ADGRB3: variants seen among roughly 807,000 people sequenced by gnomAD.
ADGRB3 encodes the protein adhesion G protein-coupled receptor B3.
A neutral mutation model predicts 193.4 loss-of-function variants in ADGRB3; 37 were observed. The observed-to-expected ratio is 0.19, with a 90% CI of 0.15 to 0.25. The LOEUF is 0.25. ADGRB3 is among the 10% of genes least tolerant of loss of function. The pLI is 1.00. For missense variants in ADGRB3, 1,637 were observed against 1,852.9 expected (o/e 0.88, Z 2.14); for synonymous variants, 690 against 644.2 (o/e 1.07, Z -1.08).
At chr6:69,363,826 A>T (rs1332342144) in intron 29 of ADGRB3, among the ~76,000 whole-genome samples, 4 of 152,038 alleles carry the variant, frequency 2.6e-5, no homozygotes, top group African/African-American at 9.7e-5. Context: ...TGTCAAGTAG[A>T]ATTATCAGCT....
intron 3 of ADGRB3, among the ~76,000 whole-genome samples, chr6:68,742,372 A>G (rs1483338603): frequency 1.3e-5 from 2 of 152,118 alleles, no homozygotes; most frequent in East Asian, 1.9e-4. Flanking sequence ...GAACTCTTAT[A>G]GTTTTTTTTT....
chr6:68,651,349 T>G (rs1161060196), intron 3 of ADGRB3, among the ~76,000 whole-genome samples: 1 of 152,190 alleles, frequency 6.6e-6, no homozygotes, highest in Non-Finnish European at 1.5e-5. Context: ...AAAGAGAACA[T>G]TTTAATACTT....
chr6:69,295,022 A>G (rs916475363), intron 20 of ADGRB3, among the ~76,000 whole-genome samples: 3 of 152,104 alleles, frequency 2.0e-5, no homozygotes, highest in Admixed American at 6.5e-5. Context: ...CTTTGCTTAT[A>G]ACTCTCTCTC....
In ADGRB3 at chr6:68,837,536, C is replaced by T. The variant is rs377517574; in HGVS notation, c.758-93023C>T. Among the ~76,000 whole-genome samples the T allele has an allele frequency of 2.0e-5, 3 of 152,140 alleles. No individual in the cohort carries two copies. The East Asian group carries it at 5.8e-4, about 29-fold the overall frequency. ...TAAAGATTTCTGTAGAGTATATATCCTTTAAAGCAAAAGATTTTATCAATA... is the reference window on the plus strand; with the variant it reads ...TAAAGATTTCTGTAGAGTATATATCTTTTAAAGCAAAAGATTTTATCAATA... On this transcript the variant is annotated intron_variant, in intron 3 of 31. Coordinates refer to ENST00000370598, the MANE Select transcript of ADGRB3 (RefSeq NM_001704.3).
At chr6:68,668,145 C>T (rs1389919207) in intron 3 of ADGRB3, among the ~76,000 whole-genome samples, 2 of 152,016 alleles carry the variant, frequency 1.3e-5, no homozygotes, top group Non-Finnish European at 2.9e-5. Flanking sequence ...ACTGTAGCAG[C>T]TGCTAGAGCC....
chr6:69,219,128 A>G (rs891649827), intron 17 of ADGRB3, among the ~76,000 whole-genome samples: 2 of 151,994 alleles, frequency 1.3e-5, no homozygotes, highest in Non-Finnish European at 2.9e-5. Context: ...TTGAAATTGC[A>G]AAGATGAAAA....
intron 13 of ADGRB3, among the ~76,000 whole-genome samples, chr6:69,027,164 A>G (rs960865864): frequency 6.6e-6 from 1 of 151,902 alleles, no homozygotes; most frequent in Non-Finnish European, 1.5e-5. Context: ...TTCTTTCTTT[A>G]TGTATTTATT....
intron 17 of ADGRB3, among the ~76,000 whole-genome samples, chr6:69,212,181 A>T (rs536728249): frequency 6.6e-6 from 1 of 152,134 alleles, no homozygotes; most frequent in Non-Finnish European, 1.5e-5. Flanking sequence ...AAAACATCAA[A>T]ACTCATTTTT....
intron 20 of ADGRB3, among the ~76,000 whole-genome samples, chr6:69,311,916 C>T (rs1320494968): frequency 6.6e-6 from 1 of 151,764 alleles, no homozygotes; most frequent in Admixed American, 6.6e-5. Context: ...TCCTCTTTTG[C>T]AGCTTTAATT....
At chr6:68,663,523 A>G (rs1308951648) in intron 3 of ADGRB3, among the ~76,000 whole-genome samples, 3 of 151,764 alleles carry the variant, frequency 2.0e-5, no homozygotes, top group Admixed American at 2.0e-4. Context: ...ATTTGCTTAG[A>G]TCTGCCATTA....
At chr6:68,919,539 G>C (rs1358505945) in intron 3 of ADGRB3, among the ~76,000 whole-genome samples, 1 of 152,188 alleles carries the variant, frequency 6.6e-6, no homozygotes, top group Non-Finnish European at 1.5e-5. Context: ...CTGGGGAAGA[G>C]AATGTTGAGG....
intron 20 of ADGRB3, among the ~76,000 whole-genome samples, chr6:69,283,719 T>A (rs948256461): frequency 6.6e-6 from 1 of 152,212 alleles, no homozygotes; most frequent in African/African-American, 2.4e-5. Context: ...TCTGTGAATA[T>A]TCTTTTCAGT....
chr6:68,866,665 C>T (rs1421881741), intron 3 of ADGRB3, among the ~76,000 whole-genome samples: 2 of 152,128 alleles, frequency 1.3e-5, no homozygotes, highest in African/African-American at 4.8e-5. Context: ...ATGGTTTTGA[C>T]CAAAATGCTA....
At chr6:68,979,404 A>G (rs1208293826) in intron 10 of ADGRB3, among the ~76,000 whole-genome samples, 1 of 151,450 alleles carries the variant, frequency 6.6e-6, no homozygotes, top group Admixed American at 6.6e-5. Flanking sequence ...TTATTCGGCC[A>G]TTGTATAACA....
chr6:69,109,021 A>C (rs950601189), intron 17 of ADGRB3, among the ~76,000 whole-genome samples: 5 of 152,184 alleles, frequency 3.3e-5, no homozygotes, highest in Non-Finnish European at 7.4e-5. Flanking sequence ...GGTCATATCA[A>C]AGAGCTTGGA....
At chr6:68,987,151 A>G (rs1332458249) in intron 10 of ADGRB3, among the ~76,000 whole-genome samples, 1 of 152,162 alleles carries the variant, frequency 6.6e-6, no homozygotes, top group African/African-American at 2.4e-5. Context: ...AGCAAGCATA[A>G]TCACTGATAA....
intron 17 of ADGRB3, among the ~76,000 whole-genome samples, chr6:69,226,011 T>C (rs949616997): frequency 6.6e-6 from 1 of 152,200 alleles, no homozygotes; most frequent in Admixed American, 6.5e-5. Context: ...TGTTATTTCT[T>C]ACCATACTCC....
intron 20 of ADGRB3, among the ~76,000 whole-genome samples, chr6:69,263,063 AGGT>A (rs1294347600): frequency 5.3e-5 from 8 of 152,028 alleles, no homozygotes; most frequent in Admixed American, 2.0e-4. Context: ...GTCAAAATTG[AGGT>A]TACCTGTAGG....
At chr6:68,916,418 A>G (rs1416373179) in intron 3 of ADGRB3, among the ~76,000 whole-genome samples, 3 of 152,048 alleles carry the variant, frequency 2.0e-5, no homozygotes, top group African/African-American at 7.2e-5. Context: ...CTTTTCTCTC[A>G]CCCTTCCAAA....
Sources: allele counts gnomAD v4.1 joint callset (sites outside exome capture counted in the v4.1 genomes callset), GRCh38; gene constraint gnomAD v4.1.1; transcripts MANE v1.5; gene names NCBI Gene and HGNC (gene_info 2026-07-23, HGNC 2026-07-21).